BLM: variants seen among roughly 807,000 people sequenced by gnomAD.
BLM encodes recQ-like DNA helicase BLM.
A neutral mutation model predicts 135.3 loss-of-function variants in BLM; 95 were observed. That is an observed-to-expected ratio of 0.70 (90% CI 0.59 to 0.83). BLM has a LOEUF of 0.83. BLM is among the 40% of genes least tolerant of loss of function. The probability of loss-of-function intolerance (pLI) is 0.00; values close to 1 mark genes in which losing one functional copy is unlikely to be tolerated. For synonymous variants in BLM, 520 were observed against 589.2 expected, an observed-to-expected ratio of 0.88 and a Z score of 1.70; for missense variants, 1,518 against 1,663.9, an observed-to-expected ratio of 0.91 and a Z score of 1.53.
chr15:90,808,274 T>C (rs1030602602), intron 19 of BLM, among the ~76,000 whole-genome samples: 2 of 152,200 alleles, frequency 1.3e-5, no homozygotes, highest in Non-Finnish European at 2.9e-5. Context: ...CCTCTAAACA[T>C]GGGAATGATG....
chr15:90,765,979 A>G (rs1466663994), intron 9 of BLM, among the ~76,000 whole-genome samples: 1 of 152,200 alleles, frequency 6.6e-6, no homozygotes. Flanking sequence ...CATGGTGGTG[A>G]AAACCTGTGG....
intron 17 of BLM, among the ~76,000 whole-genome samples, chr15:90,801,973 C>T (rs1897175418): frequency 6.6e-6 from 1 of 152,152 alleles, no homozygotes; most frequent in African/African-American, 2.4e-5. Flanking sequence ...GGAGGATCAC[C>T]TGCGCCCATG....
At chr15:90,790,928 T>C in intron 15 of BLM, 84 bp downstream of exon 15, 1 of 1,347,712 alleles carries the variant, frequency 7.4e-7, no homozygotes, top group Non-Finnish European at 1.1e-6. Flanking sequence ...GTACTTCTGG[T>C]CCAGTTTTCC....
At position 90,749,860 on chromosome 15, in the gene BLM, C is replaced by T; in HGVS notation, c.592C>T (p.Leu198Phe). 1 of 1,605,464 alleles carries T rather than the reference C, an allele frequency of 6.2e-7. No individual in the cohort carries two copies. The highest frequency in any genetic ancestry group is 1.1e-5 in the South Asian group (1 of 90,014). Residue 198 changes from leucine to phenylalanine, a missense_variant, in exon 3 of 22, where the codon CTT becomes TTT. Transcript: ENST00000355112. ...KGKRNFFKAQ[L>F]YTTNTVKTDL... ...TAAGAGAAACTTTTTTAAAGCACAG[C>T]TTTATACAACAAACACAGTAAAGAC...
chr15:90,774,563 G>A (rs1189373757), intron 12 of BLM, among the ~76,000 whole-genome samples: 1 of 151,346 alleles, frequency 6.6e-6, no homozygotes, highest in Non-Finnish European at 1.5e-5. Context: ...GCCAGGCTCG[G>A]TGGCTCATGC....
At chr15:90,798,819 TA>T (rs1457781914) in intron 17 of BLM, among the ~76,000 whole-genome samples, 1 of 151,956 alleles carries the variant, frequency 6.6e-6, no homozygotes, top group Non-Finnish European at 1.5e-5. Context: ...CTGTCTCTAC[TA>T]AAAATACAAA....
chr15:90,789,096 G>A (rs1443732824), intron 14 of BLM, among the ~76,000 whole-genome samples: 1 of 151,316 alleles, frequency 6.6e-6, no homozygotes, highest in African/African-American at 2.4e-5. Context: ...AACAATAGGG[G>A]TTTATAAAAA....
Position 90,794,283 on chromosome 15 carries a change from G to A in BLM, c.3136G>A (p.Gly1046Ser), listed in dbSNP as rs373241803. Residue 1046 changes from glycine to serine, a missense_variant, in exon 16 of 22, where the codon GGT becomes AGT. Gly to Ser is a moderately conservative substitution (Grantham distance 56). Coordinates refer to ENST00000355112, the MANE Select transcript of BLM (RefSeq NM_000057.4). ...GAGAATACAGCTTTTGGCCTACTTTGGTGAAAATGGATTTAATCCTGATTT... is the reference window on the plus strand; with the variant it reads ...GAGAATACAGCTTTTGGCCTACTTTAGTGAAAATGGATTTAATCCTGATTT... ...CRRIQLLAYF[G>S]ENGFNPDFCK... 5.6e-6 allele frequency: 9 copies of A among 1,606,786 alleles called. No individual in the cohort carries two copies. In the African/African-American group the frequency reaches 1.1e-4, roughly 19 times the overall value.
At position 90,803,550 on chromosome 15, in the gene BLM, A is replaced by T; in HGVS notation, c.3388A>T (p.Ile1130Leu). The T allele has an allele frequency of 6.2e-7, 1 of 1,613,902 alleles. No homozygotes were observed. The highest frequency in any genetic ancestry group is 1.3e-5 in the African/African-American group (1 of 75,044). The change falls in exon 18 of 22, where the codon ATA (isoleucine) becomes TTA (leucine). Residue 1130 changes from isoleucine (I) to leucine (L), a missense_variant. Around this residue, in one of 5 missense-constraint regions of BLM, gnomAD observed 626 missense variants for 681.1 expected, o/e 0.92. Transcript: ENST00000355112. ...TAAGAGTGCAAAAATCCAGTCAGGT[A>T]TATTTGGAAAAGGATCTGCTTATTC... Reference protein sequence around the residue: ...GSKSAKIQSGIFGKGSAYSRH... With the variant: ...GSKSAKIQSGLFGKGSAYSRH...
intron 12 of BLM, among the ~76,000 whole-genome samples, chr15:90,775,890 G>A (rs766288527): frequency 1.3e-4 from 19 of 151,994 alleles, no homozygotes; most frequent in African/African-American, 3.9e-4. Flanking sequence ...ATGAGGTCTC[G>A]TTATATTGTT....
chr15:90,791,883 G>A (rs753842203), intron 15 of BLM, among the ~76,000 whole-genome samples: 9 of 152,072 alleles, frequency 5.9e-5, no homozygotes, highest in Non-Finnish European at 1.3e-4. Context: ...CAGGTGATCC[G>A]CCCACCTCAG....
chr15:90,738,467 C>A (rs532770182), intron 1 of BLM, among the ~76,000 whole-genome samples: 115 of 152,044 alleles, frequency 7.6e-4, no homozygotes, highest in African/African-American at 2.4e-3. Context: ...CCAGCTACTC[C>A]GTAGGCTGAG....
At chr15:90,811,081 A>G (rs1897402327) in intron 20 of BLM, 124 bp from the exon 21 acceptor site, 1 of 974,414 alleles carries the variant, frequency 1.0e-6, no homozygotes, top group Admixed American at 1.8e-5. Flanking sequence ...TGTTGAATCC[A>G]TATGGCAGGG....
intron 12 of BLM, among the ~76,000 whole-genome samples, chr15:90,781,297 T>C (rs1299143220): frequency 6.6e-6 from 1 of 152,148 alleles, no homozygotes; most frequent in East Asian, 1.9e-4. Flanking sequence ...TGGGCCATAC[T>C]AGAAGAAGAA....
Position 90,761,046 on chromosome 15 carries a change from T to C in BLM, c.1673T>C (p.Ile558Thr), listed in dbSNP as rs1469407831. The change falls in exon 7 of 22, where the codon ATA (isoleucine) becomes ACA (threonine). Residue 558 changes from isoleucine to threonine, a missense_variant. Transcript: ENST00000355112. ...QPSYDIDNFD[I>T]DDFDDDDDWE... The stretch of plus-strand genomic sequence containing the variant: ...TCCTATGATATTGATAATTTTGACA[T>C]AGATGACTTTGATGATGATGATGAC... 6.3e-7 allele frequency: 1 copy of C among 1,591,146 alleles called. No individual in the cohort carries two copies. Among genetic ancestry groups the C allele is most frequent in the Admixed American group, 1.8e-5 (1 of 54,956 alleles).
intron 12 of BLM, among the ~76,000 whole-genome samples, chr15:90,772,558 GATTAT>G (rs761206443): frequency 6.6e-6 from 1 of 152,206 alleles, no homozygotes; most frequent in African/African-American, 2.4e-5. Flanking sequence ...GACACAAAGA[GATTAT>G]ATAACTTCAT....
Position 90,804,171 on chromosome 15 carries a change from A to G in BLM, c.3563A>G (p.Asp1188Gly), listed in dbSNP as rs899745787. 1.2e-6 allele frequency: 2 copies of G among 1,613,282 alleles called. No individual in the cohort carries two copies. Among genetic ancestry groups the G allele is most frequent in the Non-Finnish European group, 1.7e-6 (2 of 1,179,248 alleles). The change falls in exon 19 of 22, where the codon GAC (aspartate) becomes GGC (glycine). Residue 1188 changes from aspartate (D) to glycine (G), a missense_variant. Coordinates refer to ENST00000355112, the MANE Select transcript of BLM (RefSeq NM_000057.4). ...ATTTGTTTCTCTCTCATAAAGGTAG[A>G]CTTTATGGAAACAGAAAATTCCAGC... ...QTVLNGNLKV[D>G]FMETENSSSV...
chr15:90,741,503 C>T (rs956106991), intron 1 of BLM, among the ~76,000 whole-genome samples: 13 of 152,122 alleles, frequency 8.5e-5, no homozygotes, highest in African/African-American at 3.1e-4. Flanking sequence ...TTCTGGAACT[C>T]TGGCTAGATT....
In BLM at chr15:90,779,321, C is replaced by G. The variant is rs142274271; in HGVS notation, c.2556-3501C>G. ...CTTGTTTTTGTCTCTCTTTTTGACC[C>G]AAAGATTTTTTTAAATTAATAAAAC... On this transcript the variant is annotated intron_variant, in intron 12 of 21. Coordinates refer to ENST00000355112, the MANE Select transcript of BLM (RefSeq NM_000057.4). 4.5e-4 allele frequency among the ~76,000 whole-genome samples: 68 copies of G among 152,058 alleles called. No homozygotes were observed. The East Asian group carries it at 0.013, about 29-fold the overall frequency.
Sources: allele counts gnomAD v4.1 joint callset (sites outside exome capture counted in the v4.1 genomes callset), GRCh38; gene constraint gnomAD v4.1.1; regional missense constraint gnomAD v4.1.1; transcripts MANE v1.5; gene names NCBI Gene and HGNC (gene_info 2026-07-23, HGNC 2026-07-21).